TNKS: variants seen among roughly 807,000 people sequenced by gnomAD.
The protein encoded by TNKS is tankyrase, also known as poly [ADP-ribose] polymerase tankyrase-1.
In TNKS, 72 loss-of-function variants were observed where a neutral mutation model predicts 135.8. The ratio of observed to expected loss-of-function variants is 0.53; its 90% CI spans 0.44 to 0.64. TNKS has a LOEUF of 0.64. Ranked by LOEUF, TNKS falls within the 30% of genes least tolerant of loss-of-function variation. TNKS has a pLI of 0.00. For missense variants in TNKS, 1,769 were observed against 1,674.0 expected, an observed-to-expected ratio of 1.06 and a Z score of -0.99; for synonymous variants, 849 against 649.3, an observed-to-expected ratio of 1.31 and a Z score of -4.68.
At chr8:9,655,165 C>G (rs921178778) in intron 3 of TNKS, among the ~76,000 whole-genome samples, 3 of 152,228 alleles carry the variant, frequency 2.0e-5, no homozygotes, top group African/African-American at 7.2e-5. Context: ...AGTCTGAGAT[C>G]AAACTGCAAG....
chr8:9,632,724 C>G (rs1335858164), intron 3 of TNKS, among the ~76,000 whole-genome samples: 2 of 152,058 alleles, frequency 1.3e-5, no homozygotes, highest in Non-Finnish European at 2.9e-5. Flanking sequence ...GATGTTACTA[C>G]TCTATATTGT....
At position 9,731,039 on chromosome 8, in the gene TNKS, C is replaced by T. The variant is rs544330674; in HGVS notation, c.2147+4C>T. 31 of 1,601,564 alleles carry T rather than the reference C, an allele frequency of 1.9e-5. No homozygotes were observed. The Admixed American group carries it at 2.2e-4, about 12-fold the overall frequency. On this transcript the variant is annotated splice_donor_region_variant and intron_variant, in intron 14 of 26. Transcript: ENST00000310430. ...ATGTCCATGCCAAAGACAAGGGGTA[C>T]GTGTTAGAAGTTAGCTGTTTGGGAG...
chr8:9,717,955 C>G (rs912492144), intron 11 of TNKS, among the ~76,000 whole-genome samples: 3 of 151,878 alleles, frequency 2.0e-5, no homozygotes, highest in Non-Finnish European at 4.4e-5. Context: ...AAAATACAAA[C>G]AATACATTTT....
At chr8:9,565,100 C>T (rs71516518) in intron 1 of TNKS, among the ~76,000 whole-genome samples, 18,089 of 151,908 alleles carry the variant, frequency 0.12, 1,333 homozygotes, top group Admixed American at 0.23. Flanking sequence ...TTTAAGGCTT[C>T]ATCAGATGTC....
intron 1 of TNKS, among the ~76,000 whole-genome samples, chr8:9,571,538 A>T (rs1417300096): frequency 1.3e-5 from 2 of 152,080 alleles, no homozygotes; most frequent in Non-Finnish European, 2.9e-5. Flanking sequence ...GCTCACTGCA[A>T]GCTCCGCCTC....
intron 13 of TNKS, 82 bp downstream of exon 13, chr8:9,726,802 C>T: frequency 9.1e-7 from 1 of 1,095,218 alleles, no homozygotes; most frequent in Non-Finnish European, 1.3e-6. Context: ...AGTATATCTA[C>T]TCAAATACAA....
chr8:9,676,686 C>CTCTCTGTGTGTGTGTGTGTGTG (rs1554467464), intron 3 of TNKS, among the ~76,000 whole-genome samples: 4 of 147,786 alleles, frequency 2.7e-5, no homozygotes, highest in African/African-American at 1.0e-4. Flanking sequence ...CTCTCTCTCT[C>CTCTCTGTGTGTGTGTGTGTGTG]TGTGTGTGTG....
Position 9,708,401 on chromosome 8 carries a change from C to T in TNKS, c.1487C>T (p.Ala496Val). The T allele has an allele frequency of 1.2e-6, 2 of 1,608,266 alleles. No individual in the cohort carries two copies. Among genetic ancestry groups the T allele is most frequent in the Non-Finnish European group, 1.7e-6 (2 of 1,177,114 alleles). Residue 496 changes from alanine (A) to valine (V), a missense_variant, in exon 9 of 27, where the codon GCA becomes GTA. Transcript: ENST00000310430. ...YEFKGHSLLQ[A>V]AREADLAKVK... Reference sequence around the variant, plus strand: ...TTTAAAGGTCATTCTTTACTACAAGCAGCCAGAGAAGCAGACTTAGCTAAA... The same window carrying T: ...TTTAAAGGTCATTCTTTACTACAAGTAGCCAGAGAAGCAGACTTAGCTAAA...
chr8:9,723,993 A>G (rs1272312654), intron 12 of TNKS, among the ~76,000 whole-genome samples: 1 of 152,238 alleles, frequency 6.6e-6, no homozygotes, highest in Admixed American at 6.5e-5. Context: ...TTGCCAGTCC[A>G]GTAGTCTAAT....
At chr8:9,687,958 A>G (rs1803084213) in intron 5 of TNKS, among the ~76,000 whole-genome samples, 1 of 152,240 alleles carries the variant, frequency 6.6e-6, no homozygotes, top group African/African-American at 2.4e-5. Flanking sequence ...GTGGATTACA[A>G]CTACAGCAGT....
intron 26 of TNKS, among the ~76,000 whole-genome samples, chr8:9,774,349 T>G (rs1209773368): frequency 6.6e-6 from 1 of 152,218 alleles, no homozygotes; most frequent in Middle Eastern, 3.2e-3. Flanking sequence ...CAAGAGAGCA[T>G]GACGGTCCCT....
intron 3 of TNKS, among the ~76,000 whole-genome samples, chr8:9,647,501 A>C (rs182808831): frequency 6.6e-6 from 1 of 152,338 alleles, no homozygotes; most frequent in Admixed American, 6.5e-5. Context: ...AAATGGAAAA[A>C]TACACAAATG....
intron 3 of TNKS, among the ~76,000 whole-genome samples, chr8:9,616,238 GT>G (rs1295436807): frequency 6.6e-6 from 1 of 152,072 alleles, no homozygotes; most frequent in Admixed American, 6.6e-5. Context: ...TTAAATATTA[GT>G]TTTATTAAAG....
intron 5 of TNKS, among the ~76,000 whole-genome samples, chr8:9,682,320 C>G (rs891933839): frequency 2.6e-5 from 4 of 152,100 alleles, no homozygotes; most frequent in Admixed American, 1.3e-4. Context: ...CTGTCACAGC[C>G]TCGTTTTCCC....
chr8:9,753,822 A>T (rs1806683278), intron 20 of TNKS, among the ~76,000 whole-genome samples: 2 of 152,192 alleles, frequency 1.3e-5, no homozygotes, highest in Non-Finnish European at 2.9e-5. Flanking sequence ...CGTAGGTATA[A>T]TTCCTTTGTT....
At chr8:9,574,013 A>T (rs946678399) in intron 1 of TNKS, among the ~76,000 whole-genome samples, 1 of 152,206 alleles carries the variant, frequency 6.6e-6, no homozygotes, top group African/African-American at 2.4e-5. Flanking sequence ...TAAATTTGAT[A>T]TTGAAATATT....
chr8:9,600,561 T>C (rs916330347), intron 2 of TNKS, among the ~76,000 whole-genome samples: 4 of 152,096 alleles, frequency 2.6e-5, no homozygotes, highest in African/African-American at 9.7e-5. Context: ...GATCTGTTGG[T>C]CTCGGCCTCC....
At chr8:9,581,055 T>C (rs1403690133) in intron 2 of TNKS, among the ~76,000 whole-genome samples, 1 of 152,180 alleles carries the variant, frequency 6.6e-6, no homozygotes, top group Non-Finnish European at 1.5e-5. Flanking sequence ...GTATCATCTG[T>C]TTTTTGATAC....
intron 11 of TNKS, among the ~76,000 whole-genome samples, chr8:9,711,056 T>C (rs1804305417): frequency 6.6e-6 from 1 of 152,154 alleles, no homozygotes; most frequent in Non-Finnish European, 1.5e-5. Context: ...TGGTTGTTTT[T>C]TAGAGGTGAC....
Sources: gnomAD v4.1 joint callset for allele counts (sites outside exome capture counted in the v4.1 genomes callset) on GRCh38, gnomAD v4.1.1 for gene constraint, MANE v1.5 for transcripts, NCBI Gene and HGNC (gene_info 2026-07-23, HGNC 2026-07-21) for gene names.